The following THRB variants were observed in gnomAD, a reference collection of about 807,000 sequenced individuals.
THRB encodes thyroid hormone receptor beta, also known as nuclear receptor subfamily 1 group A member 2.
Under a neutral mutation model 47.8 loss-of-function variants are expected in THRB, and 12 were observed. That is an observed-to-expected ratio of 0.25 (90% CI 0.16 to 0.41). The LOEUF (loss-of-function observed/expected upper bound fraction) is 0.41, where lower values mean the gene tolerates loss of function less well. Ranked by LOEUF, THRB falls within the 10% of genes least tolerant of loss-of-function variation. The pLI, the probability that THRB is intolerant of heterozygous loss-of-function variation, is 1.00. For synonymous variants in THRB, 218 were observed against 212.2 expected (o/e 1.03, Z -0.24); for missense variants, 348 against 589.2 (o/e 0.59, Z 4.24).
At chr3:24,332,548 C>G (rs75255304) in intron 2 of THRB, among the ~76,000 whole-genome samples, 4,127 of 152,288 alleles carry the variant, frequency 0.027, 65 homozygotes, top group Middle Eastern at 0.041. Flanking sequence ...TGCAGATAGA[C>G]CCATCTGAGT....
At position 24,221,186 on chromosome 3, in the gene THRB, C is replaced by T. The variant is rs111549714; in HGVS notation, c.22+7752G>A. On this transcript the variant is annotated intron_variant, in intron 4 of 10. Transcript: ENST00000646209. The stretch of plus-strand genomic sequence containing the variant: ...TGGCAATGGTGGCAGGTGGTGGTGC[C>T]GTATAAAAATAACTCTTGGCTCATT... 4.5e-4 allele frequency among the ~76,000 whole-genome samples: 69 copies of T among 152,222 alleles called. 1 individual carries two copies. In the Middle Eastern group the frequency reaches 0.01, roughly 23 times the overall value.
intron 1 of THRB, among the ~76,000 whole-genome samples, chr3:24,471,822 G>A (rs927906864): frequency 6.6e-6 from 1 of 152,154 alleles, no homozygotes; most frequent in Non-Finnish European, 1.5e-5. Flanking sequence ...TTACACCACG[G>A]AAGACTTACT....
intron 3 of THRB, among the ~76,000 whole-genome samples, chr3:24,289,545 G>C (rs927256603): frequency 6.6e-6 from 1 of 151,496 alleles, no homozygotes; most frequent in African/African-American, 2.4e-5. Context: ...TTCTTTTTTT[G>C]GAGTTGAGGA....
chr3:24,124,386 G>A (rs540852879), intron 10 of THRB, among the ~76,000 whole-genome samples: 1 of 152,274 alleles, frequency 6.6e-6, no homozygotes, highest in South Asian at 2.1e-4. Context: ...CTTTGAGTGT[G>A]CAAGAATTTT....
At chr3:24,435,848 G>A (rs934696453) in intron 1 of THRB, among the ~76,000 whole-genome samples, 1 of 152,194 alleles carries the variant, frequency 6.6e-6, no homozygotes, top group Non-Finnish European at 1.5e-5. Context: ...CTTCCAAACT[G>A]TTTAGAAAGA....
At chr3:24,203,682 T>C (rs1369758932) in intron 4 of THRB, among the ~76,000 whole-genome samples, 2 of 152,144 alleles carry the variant, frequency 1.3e-5, no homozygotes, top group African/African-American at 4.8e-5. Flanking sequence ...TGCAGCCCAC[T>C]GAGTGTGAGC....
chr3:24,221,632 G>A (rs1559646669), intron 4 of THRB, among the ~76,000 whole-genome samples: 1 of 152,162 alleles, frequency 6.6e-6, no homozygotes. Flanking sequence ...GAAGAATACA[G>A]GGGTTGCTGA....
intron 3 of THRB, among the ~76,000 whole-genome samples, chr3:24,256,599 C>T (rs186372807): frequency 6.6e-6 from 1 of 152,030 alleles, no homozygotes; most frequent in Admixed American, 6.6e-5. Context: ...GGAGGGAGTC[C>T]CATCTGGAAG....
At chr3:24,482,702 A>G (rs1302004887) in intron 1 of THRB, among the ~76,000 whole-genome samples, 2 of 152,094 alleles carry the variant, frequency 1.3e-5, no homozygotes, top group Non-Finnish European at 2.9e-5. Flanking sequence ...AATAGGACAT[A>G]ATTGGAGCCC....
chr3:24,330,180 G>T (rs1226254458), intron 2 of THRB, among the ~76,000 whole-genome samples: 1 of 151,970 alleles, frequency 6.6e-6, no homozygotes, highest in Non-Finnish European at 1.5e-5. Context: ...GGTGGCGGGC[G>T]CCTGTAGTCC....
chr3:24,354,023 A>C (rs1406578296), intron 1 of THRB, among the ~76,000 whole-genome samples: 1 of 152,140 alleles, frequency 6.6e-6, no homozygotes, highest in Non-Finnish European at 1.5e-5. Context: ...TATGTGCCAC[A>C]TTTTCTTTAT....
intron 2 of THRB, among the ~76,000 whole-genome samples, chr3:24,315,818 G>C (rs1176901091): frequency 6.6e-6 from 1 of 152,154 alleles, no homozygotes; most frequent in Non-Finnish European, 1.5e-5. Context: ...TAATTATGCT[G>C]CTTATAACTG....
At chr3:24,263,098 G>A (rs545430872) in intron 3 of THRB, among the ~76,000 whole-genome samples, 1 of 152,238 alleles carries the variant, frequency 6.6e-6, no homozygotes, top group East Asian at 1.9e-4. Context: ...AATAGAAGGG[G>A]ACATTATTCT....
chr3:24,255,031 T>C (rs2051106398), intron 3 of THRB, among the ~76,000 whole-genome samples: 1 of 152,202 alleles, frequency 6.6e-6, no homozygotes, highest in South Asian at 2.1e-4. Flanking sequence ...AAATAGAGTG[T>C]CCTTGGGAAG....
chr3:24,233,699 G>A (rs1277132005), intron 3 of THRB, among the ~76,000 whole-genome samples: 3 of 152,196 alleles, frequency 2.0e-5, no homozygotes, highest in Admixed American at 6.5e-5. Context: ...TATCCTGGAC[G>A]ATGGAAAACG....
intron 1 of THRB, among the ~76,000 whole-genome samples, chr3:24,361,274 C>T (rs1237119517): frequency 6.6e-6 from 1 of 152,104 alleles, no homozygotes; most frequent in Non-Finnish European, 1.5e-5. Context: ...ATTATAAATG[C>T]CACCACTACT....
chr3:24,126,298 C>T (rs2032786812), intron 10 of THRB, among the ~76,000 whole-genome samples: 1 of 151,944 alleles, frequency 6.6e-6, no homozygotes, highest in Non-Finnish European at 1.5e-5. Flanking sequence ...GGAGAATCTC[C>T]TAAGCCCAGC....
intron 1 of THRB, among the ~76,000 whole-genome samples, chr3:24,343,244 A>G (rs2062796320): frequency 6.6e-6 from 1 of 152,180 alleles, no homozygotes. Flanking sequence ...GAGATGGTGC[A>G]TAGCTGTTGC....
intron 1 of THRB, among the ~76,000 whole-genome samples, chr3:24,379,786 G>A (rs886560450): frequency 3.3e-5 from 5 of 152,026 alleles, no homozygotes; most frequent in African/African-American, 1.2e-4. Context: ...ACAGTTCACA[G>A]CAAACTAATT....
Sources: gnomAD v4.1 joint callset for allele counts (sites outside exome capture counted in the v4.1 genomes callset) on GRCh38, gnomAD v4.1.1 for gene constraint, MANE v1.5 for transcripts, NCBI Gene and HGNC (gene_info 2026-07-23, HGNC 2026-07-21) for gene names.